Variants in KAZN observed in about 807,000 individuals in gnomAD.
KAZN encodes kazrin.
Under a neutral mutation model 87.4 loss-of-function variants are expected in KAZN, and 40 were observed. The ratio of observed to expected loss-of-function variants is 0.46; its 90% CI spans 0.36 to 0.60. The LOEUF (loss-of-function observed/expected upper bound fraction) is 0.60, where lower values mean the gene tolerates loss of function less well. KAZN is among the 20% of genes least tolerant of loss of function. The pLI is 0.00. For missense variants in KAZN, 898 were observed against 1,073.9 expected (o/e 0.84, Z 2.29); for synonymous variants, 466 against 458.3 (o/e 1.02, Z -0.22).
intron 11 of KAZN, among the ~76,000 whole-genome samples, chr1:15,102,799 A>C (rs117719011): frequency 6.6e-6 from 1 of 152,326 alleles, no homozygotes; most frequent in East Asian, 1.9e-4. Context: ...AAGACGTGCC[A>C]CTGTGTGGCT....
intron 2 of KAZN, among the ~76,000 whole-genome samples, chr1:14,497,891 T>C (rs1305789336): frequency 6.6e-6 from 1 of 152,184 alleles, no homozygotes; most frequent in Non-Finnish European, 1.5e-5. Flanking sequence ...AAACCCATCA[T>C]TAGAAAGAAG....
intron 8 of KAZN, among the ~76,000 whole-genome samples, chr1:15,092,052 G>GTTTTTTTT (rs1182724737): frequency 1.2e-5 from 1 of 82,634 alleles, no homozygotes; most frequent in African/African-American, 5.4e-5. Flanking sequence ...CAGAGGTTTT[G>GTTTTTTTT]TTTTTTTGTT....
chr1:15,034,988 A>C (rs1573126889), intron 3 of KAZN, 103 bp downstream of exon 3: 17 of 1,375,912 alleles, frequency 1.2e-5, no homozygotes, highest in Non-Finnish European at 1.6e-5. Flanking sequence ...ATCCCCAAAC[A>C]CAGATAGGGA....
At chr1:14,444,109 A>G (rs2148317993) in intron 2 of KAZN, among the ~76,000 whole-genome samples, 1 of 152,220 alleles carries the variant, frequency 6.6e-6, no homozygotes, top group South Asian at 2.1e-4. Flanking sequence ...AATAGACTTC[A>G]AAGTATGGGT....
chr1:14,808,905 C>T (rs1465438728), intron 1 of KAZN, among the ~76,000 whole-genome samples: 11 of 152,180 alleles, frequency 7.2e-5, no homozygotes, highest in Non-Finnish European at 1.0e-4. Flanking sequence ...AGCCTTCCCT[C>T]ATGGTCACAA....
chr1:14,823,597 A>T (rs1646798633), intron 1 of KAZN, among the ~76,000 whole-genome samples: 2 of 152,186 alleles, frequency 1.3e-5, no homozygotes, highest in South Asian at 4.1e-4. Context: ...ACAGTCCTAT[A>T]CAATGAAGAA....
chr1:14,112,186 A>C (rs1356455063), intron 1 of KAZN, among the ~76,000 whole-genome samples: 1 of 126,462 alleles, frequency 7.9e-6, no homozygotes, highest in African/African-American at 3.1e-5. Context: ...CACATCAGGC[A>C]AGCCAGTGAG....
intron 1 of KAZN, among the ~76,000 whole-genome samples, chr1:14,676,911 A>G (rs1640255242): frequency 1.3e-5 from 2 of 152,096 alleles, no homozygotes; most frequent in Admixed American, 1.3e-4. Context: ...TATACTAAAA[A>G]CCACTGAATT....
chr1:14,662,675 A>G (rs369868802), intron 1 of KAZN, among the ~76,000 whole-genome samples: 13 of 151,568 alleles, frequency 8.6e-5, no homozygotes, highest in African/African-American at 2.4e-4. Flanking sequence ...GTGTGTGTGT[A>G]TATGAGTGTT....
chr1:15,083,670 T>C (rs989259941), intron 8 of KAZN, among the ~76,000 whole-genome samples: 40 of 152,084 alleles, frequency 2.6e-4, no homozygotes, highest in African/African-American at 9.6e-4. Context: ...GTCTCGGTGC[T>C]TAGGCCTGTC....
chr1:14,772,014 A>G (rs940548453), intron 1 of KAZN, among the ~76,000 whole-genome samples: 3 of 152,210 alleles, frequency 2.0e-5, no homozygotes, highest in Admixed American at 2.0e-4. Context: ...GAGAAAGAAG[A>G]AATTGGTGCT....
intron 1 of KAZN, among the ~76,000 whole-genome samples, chr1:14,926,770 G>A (rs1370970266): frequency 6.6e-6 from 1 of 152,226 alleles, no homozygotes; most frequent in African/African-American, 2.4e-5. Context: ...CAGCCAGGCT[G>A]TGCGGTGGCT....
chr1:15,104,046 C>A lies in KAZN; in HGVS notation c.1905C>A (p.Asn635Lys). 6.2e-7 allele frequency: 1 copy of A among 1,613,772 alleles called. No homozygotes were observed. Among genetic ancestry groups the A allele is most frequent in the Non-Finnish European group, 8.5e-7 (1 of 1,179,826 alleles). The change falls in exon 13 of 15, where the codon AAC becomes AAA. Residue 635 changes from asparagine (N) to lysine (K), a missense_variant. Transcript: ENST00000376030. ...DLKEYADNLT[N>K]SGVHGAVLVL... ...AGGAGTACGCAGACAACCTGACCAA[C>A]AGCGGCGTCCATGGTGCTGTGCTGG...
intron 8 of KAZN, among the ~76,000 whole-genome samples, chr1:15,087,296 AAT>A (rs1640302039): frequency 1.3e-5 from 2 of 152,056 alleles, no homozygotes. Context: ...AAATATGATC[AAT>A]ATGTTATCAA....
At chr1:14,622,571 T>G (rs892190567) in intron 1 of KAZN, among the ~76,000 whole-genome samples, 3 of 151,430 alleles carry the variant, frequency 2.0e-5, no homozygotes, top group Non-Finnish European at 2.9e-5. Context: ...GGTGCCTGTA[T>G]TCCCAGCTAC....
At chr1:14,703,224 G>A (rs1642025913) in intron 1 of KAZN, among the ~76,000 whole-genome samples, 1 of 152,198 alleles carries the variant, frequency 6.6e-6, no homozygotes, top group Non-Finnish European at 1.5e-5. Flanking sequence ...GGCTGGGCGA[G>A]GTGGCTCACA....
At chr1:14,848,508 A>C (rs1248647356) in intron 1 of KAZN, among the ~76,000 whole-genome samples, 1 of 152,232 alleles carries the variant, frequency 6.6e-6, no homozygotes, top group Non-Finnish European at 1.5e-5. Context: ...TATCATTGCT[A>C]ACCAAAGACA....
intron 2 of KAZN, among the ~76,000 whole-genome samples, chr1:14,583,824 A>G (rs930244229): frequency 6.6e-6 from 1 of 152,108 alleles, no homozygotes; most frequent in Non-Finnish European, 1.5e-5. Flanking sequence ...AACAAGCTAG[A>G]CATTTGTATT....
At chr1:14,861,711 C>T (rs1163628005) in intron 1 of KAZN, among the ~76,000 whole-genome samples, 1 of 152,096 alleles carries the variant, frequency 6.6e-6, no homozygotes, top group East Asian at 1.9e-4. Context: ...CTGATTGATG[C>T]AAGGTAGGCA....
Sources: gnomAD v4.1 joint callset for allele counts (sites outside exome capture counted in the v4.1 genomes callset) on GRCh38, gnomAD v4.1.1 for gene constraint, MANE v1.5 for transcripts, NCBI Gene and HGNC (gene_info 2026-07-23, HGNC 2026-07-21) for gene names.